Variants in ABCB4 observed in about 807,000 individuals in gnomAD.
ABCB4 encodes phosphatidylcholine translocator ABCB4.
ABCB4 carries 76 observed loss-of-function variants against 145.7 expected under a neutral mutation model. That is an observed-to-expected ratio of 0.52 (90% CI 0.43 to 0.63). ABCB4 has a LOEUF of 0.63. Among genes scored for constraint, ABCB4 ranks in the 30% least tolerant of loss-of-function variants. The pLI is 0.00. For missense variants in ABCB4, 1,234 were observed against 1,553.1 expected (o/e 0.79, Z 3.45); for synonymous variants, 517 against 566.8 (o/e 0.91, Z 1.25).
downstream of ABCB4, chr7:87,399,452 G>A (rs1200295806): frequency 2.0e-5 from 3 of 152,234 alleles, no homozygotes; most frequent in South Asian, 4.2e-4. Context: ...TATAGCCTGG[G>A]CAAGAGCGTG....
intron 7 of ABCB4, 115 bp from the exon 8 acceptor site, chr7:87,450,207 A>AAGG: frequency 1.4e-6 from 2 of 1,417,876 alleles, no homozygotes; most frequent in Non-Finnish European, 2.0e-6. Flanking sequence ...ACAAATATTA[A>AAGG]AGTCATGTAG....
chr7:87,377,155 A>G, the ABCB4 span, among the ~76,000 whole-genome samples: 1 of 152,090 alleles, frequency 6.6e-6, no homozygotes, highest in East Asian at 1.9e-4. Flanking sequence ...AGAAGCCCCT[A>G]AAGTCAGGGC....
intron 9 of ABCB4, among the ~76,000 whole-genome samples, chr7:87,445,388 C>G (rs1468355364): frequency 6.6e-6 from 1 of 152,136 alleles, no homozygotes; most frequent in South Asian, 2.1e-4. Flanking sequence ...CACCATGTCA[C>G]ATATATTTTT....
At chr7:87,370,115 A>G in the ABCB4 span, among the ~76,000 whole-genome samples, 3 of 152,140 alleles carry the variant, frequency 2.0e-5, no homozygotes, top group Non-Finnish European at 4.4e-5. Flanking sequence ...ATATTTCAGT[A>G]TACATCTCTA....
At chr7:87,392,949 G>A in the ABCB4 span, 44 of 1,613,416 alleles carry the variant, frequency 2.7e-5, no homozygotes, top group Middle Eastern at 1.2e-3. Flanking sequence ...GCCACACAGC[G>A]GAGGAGGTGG....
chr7:87,467,277 C>A (rs902599255), intron 3 of ABCB4, among the ~76,000 whole-genome samples: 1 of 152,078 alleles, frequency 6.6e-6, no homozygotes, highest in Non-Finnish European at 1.5e-5. Flanking sequence ...AGAATTTAAA[C>A]CAACAAAGAT....
At chr7:87,445,491 T>C (rs1004083617) in intron 9 of ABCB4, among the ~76,000 whole-genome samples, 3 of 152,220 alleles carry the variant, frequency 2.0e-5, no homozygotes, top group Non-Finnish European at 4.4e-5. Context: ...TACACAGTTA[T>C]TCTGTACTGT....
chr7:87,414,208 A>G (rs1808817253), intron 21 of ABCB4, among the ~76,000 whole-genome samples: 1 of 152,242 alleles, frequency 6.6e-6, no homozygotes, highest in African/African-American at 2.4e-5. Flanking sequence ...TGTCAACAAC[A>G]TGAGCATGCT....
chr7:87,422,544 G>C (rs1027352400), intron 17 of ABCB4, among the ~76,000 whole-genome samples: 3 of 152,046 alleles, frequency 2.0e-5, no homozygotes, highest in Non-Finnish European at 4.4e-5. Flanking sequence ...CCCAGCTCCT[G>C]GTAATCTCTA....
At chr7:87,366,468 T>C in the ABCB4 span, among the ~76,000 whole-genome samples, 1 of 152,200 alleles carries the variant, frequency 6.6e-6, no homozygotes, top group Non-Finnish European at 1.5e-5. Flanking sequence ...TGTCTTTCTT[T>C]CCATTACTAC....
chr7:87,452,849 A>G (rs778819545), intron 6 of ABCB4, 95 bp downstream of exon 6: 8 of 1,366,424 alleles, frequency 5.9e-6, no homozygotes, highest in East Asian at 2.3e-5. Flanking sequence ...CAGATGCTCA[A>G]TCTAGTAACA....
In ABCB4 at chr7:87,443,704, T is replaced by C. The variant is rs1811149768; in HGVS notation, c.1189A>G (p.Asn397Asp). 1.2e-6 allele frequency: 2 copies of C among 1,614,064 alleles called. No individual in the cohort carries two copies. Among genetic ancestry groups the C allele is most frequent in the Non-Finnish European group, 1.7e-6 (2 of 1,179,952 alleles). The part of the protein sequence containing the change: ...PDSIKGNLEF[N>D]DVHFSYPSRA... ...GAAGGGTAAGAAAAGTGAACATCAT[T>C]GAACTCCAAATTCCCTTTGATGCTG... The change falls in exon 11 of 28, where the codon AAT becomes GAT. Residue 397 changes from asparagine to aspartate, a missense_variant. Asn to Asp is a conservative substitution (Grantham distance 23). Transcript: ENST00000649586.
At chr7:87,456,668 C>T (rs1228118630) in intron 4 of ABCB4, among the ~76,000 whole-genome samples, 3 of 152,114 alleles carry the variant, frequency 2.0e-5, no homozygotes, top group Non-Finnish European at 4.4e-5. Context: ...GTATTCCTTC[C>T]TAGCAACACA....
At chr7:87,457,571 G>C (rs1223206919) in intron 4 of ABCB4, among the ~76,000 whole-genome samples, 1 of 152,178 alleles carries the variant, frequency 6.6e-6, no homozygotes, top group Admixed American at 6.5e-5. Context: ...CAGATGAAGA[G>C]ACAGAGTGGG....
rs773498288 is a variant in ABCB4, at chr7:87,450,085, G to C, written c.716C>G (p.Ser239Trp). 2.5e-6 allele frequency: 4 copies of C among 1,614,028 alleles called. No individual in the cohort carries two copies. Among genetic ancestry groups the C allele is most frequent in the Non-Finnish European group, 3.4e-6 (4 of 1,179,974 alleles). ...LSAAVWAKILSAFSDKELAAY... is the reference protein window; with the variant it reads ...LSAAVWAKILWAFSDKELAAY... ...AGCTAGTTCTTTGTCACTAAATGCC[G>C]AGAGTATCTGGACAGAAAAGAAACA... is the stretch of plus-strand genomic sequence containing the variant. The change falls in exon 8 of 28, where the codon TCG becomes TGG. Residue 239 changes from serine to tryptophan, a missense_variant. Ser to Trp is a radical substitution (Grantham distance 177). This residue lies in a region of ABCB4 where 467 missense variants were observed against 632.8 expected (regional missense o/e 0.74). Transcript: ENST00000649586.
At chr7:87,409,446 G>A (rs1221548393) in intron 23 of ABCB4, 54 bp from the exon 24 acceptor site, 2 of 1,579,656 alleles carry the variant, frequency 1.3e-6, no homozygotes, top group Non-Finnish European at 1.7e-6. Flanking sequence ...ACTCCATGAT[G>A]TTTGAAAGTC....
intron 21 of ABCB4, among the ~76,000 whole-genome samples, chr7:87,415,945 A>G (rs975812669): frequency 6.6e-6 from 1 of 152,236 alleles, no homozygotes; most frequent in African/African-American, 2.4e-5. Context: ...GGGAGGAAAC[A>G]GAGCTACACA....
intron 4 of ABCB4, among the ~76,000 whole-genome samples, chr7:87,461,063 A>G (rs1812426080): frequency 1.3e-5 from 2 of 152,082 alleles, no homozygotes; most frequent in African/African-American, 4.8e-5. Flanking sequence ...CCTCTGCCTC[A>G]GCCTCCAGAG....
In ABCB4 at chr7:87,417,333, T is replaced by C; in HGVS notation, c.2661A>G (p.Lys887=). The C allele has an allele frequency of 6.2e-7, 1 of 1,614,104 alleles. No homozygotes were observed. ...CTACCTTTCCAGCAGCTTCCAGTTC[T>C]TTTTTATCTCTTTTGGCATTTCCAG... ...LLAGNAKRDK[K]ELEAAGKIAT... is the part of the protein sequence containing the mutation. Residue 887 remains lysine, a synonymous_variant, in exon 21 of 28, where the codon AAA becomes AAG. Transcript: ENST00000649586.
Sources: allele counts gnomAD v4.1 joint callset (sites outside exome capture counted in the v4.1 genomes callset), GRCh38; gene constraint gnomAD v4.1.1; regional missense constraint gnomAD v4.1.1; transcripts MANE v1.5; gene names NCBI Gene and HGNC (gene_info 2026-07-23, HGNC 2026-07-21).